IGSF21: variants seen among roughly 807,000 people sequenced by gnomAD.
The protein encoded by IGSF21 is immunoglobulin superfamily member 21.
In IGSF21, 28 loss-of-function variants were observed where a neutral mutation model predicts 46.8. The ratio of observed to expected loss-of-function variants is 0.60; its 90% CI spans 0.44 to 0.82. IGSF21 has a LOEUF of 0.82. Among genes scored for constraint, IGSF21 ranks in the 40% least tolerant of loss-of-function variants. The pLI is 0.00. For missense variants in IGSF21, 624 were observed against 665.5 expected, an observed-to-expected ratio of 0.94 and a Z score of 0.69; for synonymous variants, 284 against 273.6, an observed-to-expected ratio of 1.04 and a Z score of -0.38.
chr1:18,143,393 C>T (rs769693943), intron 1 of IGSF21, among the ~76,000 whole-genome samples: 3 of 152,158 alleles, frequency 2.0e-5, no homozygotes, highest in Non-Finnish European at 4.4e-5. Flanking sequence ...GACAGTCCCG[C>T]TGAGCTTCTC....
intron 1 of IGSF21, among the ~76,000 whole-genome samples, chr1:18,168,860 CAT>C (rs1470655328): frequency 6.6e-6 from 1 of 152,192 alleles, no homozygotes; most frequent in Non-Finnish European, 1.5e-5. Context: ...ATGGCCCTTG[CAT>C]ATATGTCATT....
intron 2 of IGSF21, among the ~76,000 whole-genome samples, chr1:18,289,482 T>C (rs1361819222): frequency 1.3e-5 from 2 of 152,244 alleles, no homozygotes; most frequent in Non-Finnish European, 2.9e-5. Flanking sequence ...GAACCTAGTG[T>C]GGGGCCTCAG....
intron 2 of IGSF21, among the ~76,000 whole-genome samples, chr1:18,252,270 C>T (rs906366530): frequency 3.3e-5 from 5 of 151,934 alleles, no homozygotes; most frequent in Non-Finnish European, 2.9e-5. Context: ...AGGATGGTCT[C>T]GATCTCCTGA....
rs143687462 is a variant in IGSF21, at chr1:18,308,169, C to T, written c.305+16182C>T. On this transcript the variant is annotated intron_variant, in intron 3 of 9. Coordinates refer to ENST00000251296, the MANE Select transcript of IGSF21 (RefSeq NM_032880.5). ...CCTCATCACCGCCAAACGCTCACCC[C>T]GGTTCCCACAGAGCTCAGCACAAAG... Among the ~76,000 whole-genome samples, 736 of 152,272 alleles carry T rather than the reference C, an allele frequency of 4.8e-3. 11 individuals are homozygous for T. Among genetic ancestry groups the T allele is most frequent in the African/African-American group, 0.016 (684 of 41,558 alleles).
intron 1 of IGSF21, chr1:18,110,239 G>T (rs964571242): frequency 6.6e-6 from 1 of 152,316 alleles, no homozygotes; most frequent in African/African-American, 2.4e-5. Context: ...CGCGTCTGGG[G>T]CGCAGAGGGA....
At chr1:18,273,582 A>G (rs1416724858) in intron 2 of IGSF21, among the ~76,000 whole-genome samples, 2 of 149,978 alleles carry the variant, frequency 1.3e-5, no homozygotes, top group African/African-American at 4.9e-5. Context: ...TCTGGGGACA[A>G]CAAAACAAAA....
intron 3 of IGSF21, among the ~76,000 whole-genome samples, chr1:18,332,939 G>A (rs377346392): frequency 1.3e-5 from 2 of 152,214 alleles, no homozygotes; most frequent in African/African-American, 2.4e-5. Flanking sequence ...GCCAGAAGAC[G>A]AAGATGGAGC....
At chr1:18,231,752 A>G (rs527350361) in intron 2 of IGSF21, among the ~76,000 whole-genome samples, 50 of 152,206 alleles carry the variant, frequency 3.3e-4, no homozygotes, top group Admixed American at 8.5e-4. Context: ...GTTTCACTGG[A>G]TAACCTGCTG....
At chr1:18,255,782 T>TGCTCC (rs1373333981) in intron 2 of IGSF21, among the ~76,000 whole-genome samples, 2 of 152,154 alleles carry the variant, frequency 1.3e-5, no homozygotes, top group Non-Finnish European at 2.9e-5. Context: ...TCAATGTGCC[T>TGCTCC]GCTCCTCCCC....
chr1:18,203,267 G>A (rs1445315871), intron 1 of IGSF21, among the ~76,000 whole-genome samples: 1 of 152,170 alleles, frequency 6.6e-6, no homozygotes, highest in African/African-American at 2.4e-5. Flanking sequence ...GGACATGACT[G>A]GCTCCACCTC....
chr1:18,192,545 G>A (rs2086967775), intron 1 of IGSF21, among the ~76,000 whole-genome samples: 1 of 152,222 alleles, frequency 6.6e-6, no homozygotes, highest in Non-Finnish European at 1.5e-5. Flanking sequence ...GACCCATAGA[G>A]GGTAAGGCCA....
chr1:18,375,297 T>TTGAG (rs1266304419), intron 6 of IGSF21, among the ~76,000 whole-genome samples: 39 of 152,216 alleles, frequency 2.6e-4, no homozygotes, highest in Non-Finnish European at 1.0e-4. Context: ...ATAATTACTG[T>TTGAG]TGAGTGAGTG....
Position 18,376,924 on chromosome 1 carries a change from C to CCA in IGSF21, c.1227_1228dup (p.Met410ThrfsTer52). On this transcript the variant is annotated frameshift_variant, in exon 8 of 10. Transcript: ENST00000251296. LOFTEE classifies it high-confidence loss of function. ...CGGGTTCCCGCCGAGCTCAATGGCT[C>CCA]CATGTATCGCTGCACCGCCCAGAAC... The CCA allele has an allele frequency of 6.2e-7, 1 of 1,612,476 alleles. No individual in the cohort carries two copies. The highest frequency in any genetic ancestry group is 8.5e-7 in the Non-Finnish European group (1 of 1,178,640).
At chr1:18,200,395 T>C (rs142766252) in intron 1 of IGSF21, among the ~76,000 whole-genome samples, 1 of 152,280 alleles carries the variant, frequency 6.6e-6, no homozygotes, top group African/African-American at 2.4e-5. Flanking sequence ...TTCTGGAGGC[T>C]AGAAGTCCAA....
intron 1 of IGSF21, among the ~76,000 whole-genome samples, chr1:18,224,484 C>T (rs191491624): frequency 2.0e-5 from 3 of 152,252 alleles, no homozygotes; most frequent in Admixed American, 2.0e-4. Flanking sequence ...TTTGCTTTTC[C>T]TCATTATGTT....
intron 1 of IGSF21, among the ~76,000 whole-genome samples, chr1:18,190,582 A>C (rs907207443): frequency 5.9e-5 from 9 of 152,290 alleles, no homozygotes; most frequent in Admixed American, 2.0e-4. Context: ...AGCCTGTCTT[A>C]TGGGTCATTG....
intron 4 of IGSF21, among the ~76,000 whole-genome samples, chr1:18,344,076 T>C (rs2085869331): frequency 1.3e-5 from 2 of 152,192 alleles, no homozygotes; most frequent in Non-Finnish European, 2.9e-5. Flanking sequence ...GGATTCTTGC[T>C]TTCTAAGACC....
At chr1:18,314,687 C>G (rs1430699938) in intron 3 of IGSF21, among the ~76,000 whole-genome samples, 1 of 152,186 alleles carries the variant, frequency 6.6e-6, no homozygotes, top group African/African-American at 2.4e-5. Flanking sequence ...AGGGAGGTCT[C>G]GTGCCAAAGC....
At chr1:18,336,875 A>T (rs1243091542) in intron 4 of IGSF21, among the ~76,000 whole-genome samples, 1 of 152,220 alleles carries the variant, frequency 6.6e-6, no homozygotes, top group Non-Finnish European at 1.5e-5. Flanking sequence ...GGTGAAAGAC[A>T]CATCTCACAT....
Sources: gnomAD v4.1 joint callset for allele counts (sites outside exome capture counted in the v4.1 genomes callset) on GRCh38, gnomAD v4.1.1 for gene constraint, MANE v1.5 for transcripts, NCBI Gene and HGNC (gene_info 2026-07-23, HGNC 2026-07-21) for gene names.